The following DNAH6 variants were observed in gnomAD, a reference collection of about 807,000 sequenced individuals.
The protein encoded by DNAH6 is dynein axonemal heavy chain 6, also known as axonemal beta dynein heavy chain 6.
A neutral mutation model predicts 491.4 loss-of-function variants in DNAH6; 340 were observed. That is an observed-to-expected ratio of 0.69 (90% confidence interval 0.63 to 0.76). The LOEUF is 0.76. Ranked by LOEUF, DNAH6 falls within the 30% of genes least tolerant of loss-of-function variation. The probability of loss-of-function intolerance (pLI) is 0.00; values close to 1 mark genes in which losing one functional copy is unlikely to be tolerated. For synonymous variants in DNAH6, 1,603 were observed against 1,686.1 expected (o/e 0.95, Z 1.21); for missense variants, 4,443 against 4,972.2 (o/e 0.89, Z 3.20).
chr2:84,480,532 T>C, the DNAH6 span, among the ~76,000 whole-genome samples: 1 of 152,222 alleles, frequency 6.6e-6, no homozygotes, highest in Non-Finnish European at 1.5e-5. Flanking sequence ...TGAAATAATC[T>C]ATGTCAAGCA....
intron 59 of DNAH6, among the ~76,000 whole-genome samples, chr2:84,722,184 G>A (rs535488074): frequency 2.6e-5 from 4 of 152,312 alleles, no homozygotes; most frequent in Admixed American, 6.5e-5. Flanking sequence ...GGGATGTGGT[G>A]CCACTGCCTC....
chr2:84,598,192 C>CTCTTTCT, intron 18 of DNAH6, among the ~76,000 whole-genome samples: 1 of 86,434 alleles, frequency 1.2e-5, no homozygotes, highest in African/African-American at 4.1e-5. Flanking sequence ...TCTTTCTTTT[C>CTCTTTCT]TTTCTTTCTT....
At chr2:84,472,216 T>C in the DNAH6 span, among the ~76,000 whole-genome samples, 1 of 151,802 alleles carries the variant, frequency 6.6e-6, no homozygotes, top group African/African-American at 2.4e-5. Flanking sequence ...CTTCTGCTTG[T>C]GTATTTGAGT....
At chr2:84,672,298 CTTAAA>C in intron 39 of DNAH6, 24 bp from the exon 40 acceptor site, 1 of 1,537,306 alleles carries the variant, frequency 6.5e-7, no homozygotes, top group Non-Finnish European at 8.8e-7. Flanking sequence ...AATCATAATT[CTTAAA>C]TTAAATTCAT....
intron 70 of DNAH6, among the ~76,000 whole-genome samples, chr2:84,804,652 T>G (rs1679246210): frequency 6.6e-6 from 1 of 152,138 alleles, no homozygotes; most frequent in Non-Finnish European, 1.5e-5. Context: ...CCTGAAACTG[T>G]GTTCTCATGA....
At chr2:84,578,367 G>A (rs1355632490) in intron 13 of DNAH6, among the ~76,000 whole-genome samples, 1 of 152,042 alleles carries the variant, frequency 6.6e-6, no homozygotes, top group Non-Finnish European at 1.5e-5. Flanking sequence ...AGAAATACTT[G>A]GATATGTATT....
Position 84,557,944 on chromosome 2 carries a change from A to G in DNAH6, c.1803+9A>G. The stretch of plus-strand genomic sequence containing the variant: ...TTATTTCTCAAATAAAGGTATGTTT[A>G]CTCTGACTAAAACTATTCTATAATA... On this transcript the variant is annotated intron_variant, in intron 11 of 76. Coordinates refer to ENST00000389394, the MANE Select transcript of DNAH6 (RefSeq NM_001370.2). 6.4e-7 allele frequency: 1 copy of G among 1,555,000 alleles called. No individual in the cohort carries two copies. The highest frequency in any genetic ancestry group is 8.8e-7 in the Non-Finnish European group (1 of 1,131,576).
In DNAH6 at chr2:84,733,449, C is replaced by G. The variant is rs1699278740; in HGVS notation, c.10212C>G (p.Arg3404=). The G allele has an allele frequency of 1.3e-6, 2 of 1,550,196 alleles. No homozygotes were observed. The highest frequency in any genetic ancestry group is 2.7e-5 in the African/African-American group (2 of 73,020). The change falls in exon 62 of 77, where the codon CGC becomes CGG. Residue 3404 remains arginine (R), a synonymous_variant. Transcript: ENST00000389394. The part of the protein sequence containing the change: ...LRGSAGLEKE[R]PPKPEAPWLP... Reference sequence around the variant, plus strand: ...CATTTTCTGTCTTCAAACAGGAACGCCCACCTAAGCCTGAAGCTCCCTGGC... The same window carrying G: ...CATTTTCTGTCTTCAAACAGGAACGGCCACCTAAGCCTGAAGCTCCCTGGC...
chr2:84,800,221 T>A (rs1678761357), intron 70 of DNAH6, among the ~76,000 whole-genome samples: 1 of 151,504 alleles, frequency 6.6e-6, no homozygotes, highest in African/African-American at 2.4e-5. Context: ...CACAGTCATA[T>A]CCTCCAGGAA....
At chr2:84,604,204 C>A in intron 18 of DNAH6, 135 bp from the exon 19 acceptor site, 1 of 676,432 alleles carries the variant, frequency 1.5e-6, no homozygotes, top group Non-Finnish European at 2.5e-6. Context: ...TTGCAGTCAT[C>A]CAGATTTTGC....
At chr2:84,559,589 T>A (rs1573017527) in intron 11 of DNAH6, among the ~76,000 whole-genome samples, 1 of 152,282 alleles carries the variant, frequency 6.6e-6, no homozygotes, top group East Asian at 1.9e-4. Flanking sequence ...ACTCTTTTCC[T>A]GTTACCATAA....
At chr2:84,759,542 A>C (rs141845792) in intron 63 of DNAH6, among the ~76,000 whole-genome samples, 1 of 152,198 alleles carries the variant, frequency 6.6e-6, no homozygotes, top group East Asian at 1.9e-4. Context: ...CCCAATACCT[A>C]GGAATATATT....
At chr2:84,805,945 C>A (rs537756960) in intron 71 of DNAH6, among the ~76,000 whole-genome samples, 151 bp downstream of exon 71, 22 of 152,280 alleles carry the variant, frequency 1.4e-4, no homozygotes, top group African/African-American at 5.1e-4. Context: ...CATTTATAGA[C>A]TAGAAGCTTA....
intron 46 of DNAH6, among the ~76,000 whole-genome samples, chr2:84,695,725 G>GT (rs1695321235): frequency 6.6e-6 from 1 of 152,052 alleles, no homozygotes; most frequent in African/African-American, 2.4e-5. Context: ...TCTTGGGATT[G>GT]TGAGTGATTT....
chr2:84,756,902 C>G (rs1480056766), intron 63 of DNAH6, among the ~76,000 whole-genome samples: 1 of 152,052 alleles, frequency 6.6e-6, no homozygotes, highest in Non-Finnish European at 1.5e-5. Flanking sequence ...GGGTTTTAAG[C>G]AAAACATAAT....
chr2:84,698,408 G>C (rs896688986), intron 47 of DNAH6, among the ~76,000 whole-genome samples: 3 of 152,208 alleles, frequency 2.0e-5, no homozygotes, highest in African/African-American at 7.2e-5. Flanking sequence ...GCCAAAGAAA[G>C]AAATTCCAGA....
At chr2:84,576,742 A>G (rs1178996877) in intron 12 of DNAH6, among the ~76,000 whole-genome samples, 2 of 152,212 alleles carry the variant, frequency 1.3e-5, no homozygotes, top group African/African-American at 4.8e-5. Context: ...ACTGCAGCAT[A>G]TGCAAATTGA....
chr2:84,620,695 G>A (rs1180945230), intron 24 of DNAH6, among the ~76,000 whole-genome samples: 2 of 152,142 alleles, frequency 1.3e-5, no homozygotes, highest in African/African-American at 4.8e-5. Context: ...CATCACTGGT[G>A]CAGAAGAGAA....
intron 60 of DNAH6, among the ~76,000 whole-genome samples, chr2:84,725,001 T>C (rs1432722247): frequency 6.6e-6 from 1 of 152,218 alleles, no homozygotes; most frequent in Non-Finnish European, 1.5e-5. Context: ...ATGCTTCATC[T>C]GGCATAATGT....
Sources: gnomAD v4.1 joint callset for allele counts (sites outside exome capture counted in the v4.1 genomes callset) on GRCh38, gnomAD v4.1.1 for gene constraint, MANE v1.5 for transcripts, NCBI Gene and HGNC (gene_info 2026-07-23, HGNC 2026-07-21) for gene names.